RPS5: variants seen among roughly 807,000 people sequenced by gnomAD.
RPS5 encodes small ribosomal subunit protein uS7.
Under a neutral mutation model 20.9 loss-of-function variants are expected in RPS5, and 2 were observed. The ratio of observed to expected loss-of-function variants is 0.10; its 90% CI spans 0.04 to 0.30. The LOEUF (loss-of-function observed/expected upper bound fraction) is 0.30, where lower values mean the gene tolerates loss of function less well. Ranked by LOEUF, RPS5 falls within the 10% of genes least tolerant of loss-of-function variation. The pLI, the probability that RPS5 is intolerant of heterozygous loss-of-function variation, is 1.00. For missense variants in RPS5, 122 were observed against 287.2 expected (o/e 0.42, Z 4.16); for synonymous variants, 112 against 105.8 (o/e 1.06, Z -0.36).
intron 3 of RPS5, 31 bp from the exon 4 acceptor site, chr19:58,393,328 G>C: frequency 6.2e-7 from 1 of 1,611,376 alleles, no homozygotes. Flanking sequence ...CATGGGGCTG[G>C]ATGTCAGGCT....
At chr19:58,391,195 A>G (rs8106092) in intron 2 of RPS5, among the ~76,000 whole-genome samples, 15,336 of 151,842 alleles carry the variant, frequency 0.1, 2,620 homozygotes, top group African/African-American at 0.35. Flanking sequence ...ACTTTGGGAG[A>G]CTGAGGCGGG....
Position 58,393,690 on chromosome 19 carries a change from T to G in RPS5, c.447+203T>G, listed in dbSNP as rs560557107. ...TTCGGGAACACATTTGGCAGAGGTC[T>G]TCTTTCTTTCCTTTGGGTGTATATT... is the stretch of plus-strand genomic sequence containing the variant. On this transcript the variant is annotated intron_variant, in intron 4 of 5. Transcript: ENST00000196551. 71 of 604,630 alleles carry G rather than the reference T, an allele frequency of 1.2e-4. No homozygotes were observed. The South Asian group carries it at 1.4e-3, about 12-fold the overall frequency. The allele number at this position is 604,630 out of a possible 1,614,324, so 37.5% of individuals were successfully genotyped here.
intron 2 of RPS5, among the ~76,000 whole-genome samples, chr19:58,390,082 A>G (rs2052353107): frequency 6.6e-6 from 1 of 151,758 alleles, no homozygotes; most frequent in Non-Finnish European, 1.5e-5. Context: ...TTTAGTTGAG[A>G]CAGGGTTTCA....
In RPS5 at chr19:58,393,079, G is replaced by A. The variant is rs2052374202; in HGVS notation, c.212G>A (p.Arg71His). 6.2e-7 allele frequency: 1 copy of A among 1,614,096 alleles called. No individual in the cohort carries two copies. Among genetic ancestry groups the A allele is most frequent in the African/African-American group, 1.3e-5 (1 of 74,928 alleles). The change falls in exon 3 of 6, where the codon CGC becomes CAC. Residue 71 changes from arginine to histidine, a missense_variant. Coordinates refer to ENST00000196551, the MANE Select transcript of RPS5 (RefSeq NM_001009.4). Reference protein sequence around the residue: ...FRKAQCPIVERLTNSMMMHGR... With the variant: ...FRKAQCPIVEHLTNSMMMHGR... ...AAAGCTCAGTGTCCCATTGTGGAGC[G>A]CCTCACTAACTCCATGATGATGCAC...
chr19:58,392,739 C>A (rs1402471205), intron 2 of RPS5, among the ~76,000 whole-genome samples: 1 of 152,028 alleles, frequency 6.6e-6, no homozygotes, highest in Non-Finnish European at 1.5e-5. Context: ...CTTAGATTCC[C>A]ACTCTTCCAT....
In RPS5 at chr19:58,388,185, C is replaced by A. The variant is rs2052339396; in HGVS notation, c.48C>A (p.Asp16Glu). 6.2e-7 allele frequency: 1 copy of A among 1,613,176 alleles called. No individual in the cohort carries two copies. The highest frequency in any genetic ancestry group is 1.7e-5 in the Admixed American group (1 of 59,940). The change falls in exon 2 of 6, where the codon GAC (aspartate) becomes GAA (glutamate). Residue 16 changes from aspartate to glutamate, a missense_variant. By Grantham distance (45) the Asp-to-Glu change is conservative (BLOSUM62 2). Transcript: ENST00000196551. ...CACCAGCGGTGGCAGAGACCCCAGA[C>A]ATCAAGCTCTTTGGGAAGTGGAGCA... is the stretch of plus-strand genomic sequence containing the variant. Reference protein sequence around the residue: ...TAAPAVAETPDIKLFGKWSTD... With the variant: ...TAAPAVAETPEIKLFGKWSTD...
rs995208020 is a variant in RPS5, at chr19:58,393,084, A to G, written c.217A>G (p.Thr73Ala). 3.7e-6 allele frequency: 6 copies of G among 1,614,090 alleles called. No homozygotes were observed. Among genetic ancestry groups the G allele is most frequent in the African/African-American group, 1.3e-5 (1 of 74,930 alleles). ...TCAGTGTCCCATTGTGGAGCGCCTC[A>G]CTAACTCCATGATGATGCACGGCCG... ...KAQCPIVERLTNSMMMHGRNN... is the reference protein window; with the variant it reads ...KAQCPIVERLANSMMMHGRNN... Residue 73 changes from threonine to alanine, a missense_variant, in exon 3 of 6, where the codon ACT becomes GCT. Transcript: ENST00000196551.
chr19:58,393,898 C>A lies in RPS5; in HGVS notation c.447+411C>A, dbSNP rs139160734. On this transcript the variant is annotated intron_variant, in intron 4 of 5. Transcript: ENST00000196551. Reference sequence around the variant, plus strand: ...CAGCAATAGTCGTTGTTCCATTTAGCATCTGTCCCCAGAATGCCAGAATGC... The same window carrying A: ...CAGCAATAGTCGTTGTTCCATTTAGAATCTGTCCCCAGAATGCCAGAATGC... 1.4e-4 allele frequency: 27 copies of A among 187,234 alleles called. No individual in the cohort carries two copies. The East Asian group carries it at 3.7e-3, about 26-fold the overall frequency. The allele number at this position is 187,234 out of a possible 1,614,324, so 11.6% of individuals were successfully genotyped here.
chr19:58,388,123 TCAC>T lies in RPS5; in HGVS notation c.-1-12_-1-10del. The T allele has an allele frequency of 1.9e-6, 3 of 1,596,722 alleles. No individual in the cohort carries two copies. Among genetic ancestry groups the T allele is most frequent in the Non-Finnish European group, 2.6e-6 (3 of 1,167,634 alleles). ...GAGCTCTGACGTTTTTTTCCTGTCA[TCAC>T]CCTGTCCCAGGATGACCGAGTGGGA... On this transcript the variant is annotated splice_polypyrimidine_tract_variant and intron_variant, in intron 1 of 5. Transcript: ENST00000196551.
intron 5 of RPS5, 26 bp from the exon 6 acceptor site, chr19:58,394,656 A>G (rs2052385386): frequency 6.2e-7 from 1 of 1,613,960 alleles, no homozygotes; most frequent in African/African-American, 1.3e-5. Context: ...GTCCTTCAGA[A>G]TTCAGAGCTG....
chr19:58,392,323 A>AG (rs1281212619), intron 2 of RPS5, among the ~76,000 whole-genome samples: 5 of 149,886 alleles, frequency 3.3e-5, no homozygotes, highest in African/African-American at 7.3e-5. Flanking sequence ...CTCAGCCTCA[A>AG]GGGGGGGAAA....
chr19:58,393,642 G>C, intron 4 of RPS5, 155 bp downstream of exon 4: 1 of 894,132 alleles, frequency 1.1e-6, no homozygotes. Context: ...CTGCATAGGG[G>C]CTGATCCAGG....
chr19:58,394,632 G>C, intron 5 of RPS5, 37 bp downstream of exon 5: 1 of 1,613,608 alleles, frequency 6.2e-7, no homozygotes, highest in Non-Finnish European at 8.5e-7. Context: ...GTCTTAAGTT[G>C]GGCATTTGTG....
intron 1 of RPS5, chr19:58,387,915 C>G (rs1863573345): frequency 3.6e-6 from 2 of 562,956 alleles, no homozygotes; most frequent in Admixed American, 6.3e-5. Flanking sequence ...TGGTGGCTGC[C>G]AAGTCTTGGG....
rs1568575059 is a variant in RPS5, at chr19:58,394,664, C to T, written c.547-18C>T. On this transcript the variant is annotated intron_variant, in intron 5 of 5. Coordinates refer to ENST00000196551, the MANE Select transcript of RPS5 (RefSeq NM_001009.4). ...TGTGGGGGTCCTTCAGAATTCAGAG[C>T]TGTGTGTCTCCTTGCAGGGCTCCTC... 4 of 1,614,048 alleles carry T rather than the reference C, an allele frequency of 2.5e-6. No individual in the cohort carries two copies. Among genetic ancestry groups the T allele is most frequent in the South Asian group, 1.1e-5 (1 of 91,090 alleles).
chr19:58,392,691 A>G (rs1446331694), intron 2 of RPS5, among the ~76,000 whole-genome samples: 1 of 151,702 alleles, frequency 6.6e-6, no homozygotes, highest in Non-Finnish European at 1.5e-5. Flanking sequence ...TGTGCAGGAC[A>G]GCCCCCCAGA....
intron 2 of RPS5, among the ~76,000 whole-genome samples, chr19:58,390,257 G>A (rs749884167): frequency 2.0e-5 from 3 of 149,750 alleles, no homozygotes; most frequent in Non-Finnish European, 2.9e-5. Context: ...GCAGTGGTGC[G>A]ATCTCGGCTC....
chr19:58,387,445 G>A (rs527675864), intron 1 of RPS5, 106 bp downstream of exon 1: 1 of 152,394 alleles, frequency 6.6e-6, no homozygotes, highest in East Asian at 1.9e-4. Context: ...TCTGTCTCTG[G>A]AAAAGAAAAT....
Position 58,392,334 on chromosome 19 carries a change from A to AGGGG in RPS5, c.109-642_109-641insGGGG, listed in dbSNP as rs1183895419. On this transcript the variant is annotated intron_variant, in intron 2 of 5. Coordinates refer to ENST00000196551, the MANE Select transcript of RPS5 (RefSeq NM_001009.4). ...AAGACTCAGCCTCAAGGGGGGGAAA[A>AGGGG]AAAAAACTAGGCCAGGCGCAGTGGC... is the stretch of plus-strand genomic sequence containing the variant. Among the ~76,000 whole-genome samples, 357 of 151,138 alleles carry AGGGG rather than the reference A, an allele frequency of 2.4e-3. 5 individuals carry two copies. The highest frequency in any genetic ancestry group is 4.3e-3 in the Non-Finnish European group (290 of 67,654).
Sources: allele counts gnomAD v4.1 joint callset (sites outside exome capture counted in the v4.1 genomes callset), GRCh38; gene constraint gnomAD v4.1.1; transcripts MANE v1.5; gene names NCBI Gene and HGNC (gene_info 2026-07-23, HGNC 2026-07-21).